GRM5: variants seen among roughly 807,000 people sequenced by gnomAD.
GRM5 encodes glutamate metabotropic receptor 5.
Under a neutral mutation model 83.1 loss-of-function variants are expected in GRM5, and 19 were observed. That is an observed-to-expected ratio of 0.23 (90% CI 0.16 to 0.34). The LOEUF is 0.34. Ranked by LOEUF, GRM5 falls within the 10% of genes least tolerant of loss-of-function variation. The pLI is 1.00. For missense variants in GRM5, 1,160 were observed against 1,588.3 expected (o/e 0.73, Z 4.58); for synonymous variants, 675 against 633.6 (o/e 1.07, Z -0.98).
intron 2 of GRM5, among the ~76,000 whole-genome samples, chr11:88,867,636 C>CA (rs921298624): frequency 2.0e-5 from 3 of 151,218 alleles, no homozygotes; most frequent in African/African-American, 7.3e-5. Flanking sequence ...GAAACTAAGG[C>CA]AAAAAAATCA....
chr11:88,622,973 G>A (rs912554277), intron 4 of GRM5, among the ~76,000 whole-genome samples: 3 of 152,146 alleles, frequency 2.0e-5, no homozygotes, highest in Admixed American at 6.5e-5. Flanking sequence ...AATTTGATGG[G>A]AGCATAAAAT....
At chr11:88,812,518 T>C (rs957243259) in intron 3 of GRM5, among the ~76,000 whole-genome samples, 16 of 152,202 alleles carry the variant, frequency 1.1e-4, no homozygotes, top group African/African-American at 3.9e-4. Flanking sequence ...ACTTAATTTT[T>C]TTCTAATGCA....
rs1685342223 is a variant in GRM5 at position 89,048,143 on chromosome 11, C to T, written c.-200-71G>A. 4 of 381,952 alleles carry T rather than the reference C, an allele frequency of 1.0e-5. No homozygotes were observed. The South Asian group carries it at 1.8e-4, about 17-fold the overall frequency. 23.7% of individuals were successfully genotyped at this position (381,952 alleles called of 1,614,324 possible). Reference sequence around the variant, plus strand: ...ACTAGTTTGGGGAAGTTCTATAATCCATGTTAGCAGAGAAAATATTTTGAT... The same window carrying T: ...ACTAGTTTGGGGAAGTTCTATAATCTATGTTAGCAGAGAAAATATTTTGAT... On this transcript the variant is annotated intron_variant, in intron 1 of 9. Coordinates refer to ENST00000305447, the MANE Select transcript of GRM5 (RefSeq NM_001143831.3).
At chr11:88,951,963 T>C in intron 2 of GRM5, among the ~76,000 whole-genome samples, 1 of 152,218 alleles carries the variant, frequency 6.6e-6, no homozygotes, top group African/African-American at 2.4e-5. Flanking sequence ...CTGGTCACTG[T>C]TTTGTTTATG....
At chr11:88,662,449 T>C (rs1352753361) in intron 3 of GRM5, among the ~76,000 whole-genome samples, 1 of 152,072 alleles carries the variant, frequency 6.6e-6, no homozygotes, top group African/African-American at 2.4e-5. Flanking sequence ...GTAGGTAAGA[T>C]TCTAAAATGG....
intron 2 of GRM5, among the ~76,000 whole-genome samples, chr11:88,983,765 G>A (rs930810155): frequency 2.0e-5 from 3 of 151,944 alleles, no homozygotes; most frequent in East Asian, 1.9e-4. Context: ...CTATCAGGAC[G>A]TATTCCAGAA....
chr11:88,704,820 C>CATTT (rs1165114587), intron 3 of GRM5, among the ~76,000 whole-genome samples: 1 of 152,012 alleles, frequency 6.6e-6, no homozygotes, highest in Non-Finnish European at 1.5e-5. Context: ...TCCTAACTAC[C>CATTT]ATTTCCCCAT....
At chr11:89,044,102 A>C (rs1408791609) in intron 2 of GRM5, among the ~76,000 whole-genome samples, 1 of 152,178 alleles carries the variant, frequency 6.6e-6, no homozygotes, top group Non-Finnish European at 1.5e-5. Context: ...CATCGTGGGC[A>C]CATGTATCAA....
At chr11:89,019,593 T>C (rs543636519) in intron 2 of GRM5, among the ~76,000 whole-genome samples, 156 of 151,020 alleles carry the variant, frequency 1.0e-3, no homozygotes, top group African/African-American at 3.6e-3. Flanking sequence ...TAATCCCAGC[T>C]ACCCAGGAGG....
chr11:88,792,982 CG>C (rs1943204539), intron 3 of GRM5, among the ~76,000 whole-genome samples: 1 of 151,944 alleles, frequency 6.6e-6, no homozygotes, highest in Non-Finnish European at 1.5e-5. Flanking sequence ...TAGAGTAAGA[CG>C]GGCCTTGTAA....
chr11:88,831,810 C>A (rs1350390569), intron 3 of GRM5, among the ~76,000 whole-genome samples: 1 of 152,182 alleles, frequency 6.6e-6, no homozygotes, highest in African/African-American at 2.4e-5. Context: ...CAACACAACA[C>A]CCACTGCTCA....
At chr11:89,065,286 T>TCACACACACACA (rs71046278) in intron 1 of GRM5, among the ~76,000 whole-genome samples, 50 of 147,488 alleles carry the variant, frequency 3.4e-4, no homozygotes, top group South Asian at 1.1e-3. Flanking sequence ...TGTATTGGCA[T>TCACACACACACA]CACACACACA....
chr11:88,813,677 C>T (rs1943622953), intron 3 of GRM5, among the ~76,000 whole-genome samples: 1 of 151,940 alleles, frequency 6.6e-6, no homozygotes, highest in Non-Finnish European at 1.5e-5. Flanking sequence ...AGACTATGAA[C>T]CTTTTGTACT....
chr11:88,628,259 C>A (rs1183502638), intron 4 of GRM5, among the ~76,000 whole-genome samples: 3 of 152,068 alleles, frequency 2.0e-5, no homozygotes, highest in South Asian at 2.1e-4. Context: ...GAAGGTATTC[C>A]CAGATAAATT....
At chr11:88,660,734 T>A (rs879646072) in intron 3 of GRM5, among the ~76,000 whole-genome samples, 3 of 152,202 alleles carry the variant, frequency 2.0e-5, no homozygotes, top group Non-Finnish European at 4.4e-5. Context: ...ATCCTGTTGA[T>A]CGGAGACATA....
chr11:88,801,864 AG>A (rs1486629655), intron 3 of GRM5, among the ~76,000 whole-genome samples: 1 of 152,138 alleles, frequency 6.6e-6, no homozygotes, highest in Non-Finnish European at 1.5e-5. Context: ...TGAGGAGAAA[AG>A]CTCCTCATGG....
At chr11:88,755,992 G>A (rs1024758812) in intron 3 of GRM5, among the ~76,000 whole-genome samples, 2 of 152,092 alleles carry the variant, frequency 1.3e-5, no homozygotes, top group Non-Finnish European at 2.9e-5. Flanking sequence ...CAGAGGTTGG[G>A]ACTGATTGTC....
At chr11:88,892,929 A>G (rs1311316200) in intron 2 of GRM5, among the ~76,000 whole-genome samples, 2 of 152,030 alleles carry the variant, frequency 1.3e-5, no homozygotes, top group African/African-American at 4.8e-5. Flanking sequence ...GAAACTTCAT[A>G]GACTCCCCAA....
intron 9 of GRM5, among the ~76,000 whole-genome samples, chr11:88,522,603 C>CTCTCTCTGTG (rs1206475339): frequency 1.6e-5 from 2 of 127,294 alleles, no homozygotes; most frequent in South Asian, 2.9e-4. Context: ...CTCTCTCTCT[C>CTCTCTCTGTG]TGTGTGTGTG....
Sources: gnomAD v4.1 joint callset for allele counts (sites outside exome capture counted in the v4.1 genomes callset) on GRCh38, gnomAD v4.1.1 for gene constraint, MANE v1.5 for transcripts, NCBI Gene and HGNC (gene_info 2026-07-23, HGNC 2026-07-21) for gene names.